The following NCOA1 variants were observed in gnomAD, a reference collection of about 807,000 sequenced individuals.
NCOA1 encodes the protein Hin-2 protein.
A neutral mutation model predicts 150.9 loss-of-function variants in NCOA1; 35 were observed. The observed-to-expected ratio is 0.23, with a 90% CI of 0.18 to 0.31. The LOEUF (loss-of-function observed/expected upper bound fraction) is 0.31, where lower values mean the gene tolerates loss of function less well. Among genes scored for constraint, NCOA1 ranks in the 10% least tolerant of loss-of-function variants. NCOA1 has a pLI of 1.00. For synonymous variants in NCOA1, 590 were observed against 630.0 expected (o/e 0.94, Z 0.95); for missense variants, 1,491 against 1,749.3 (o/e 0.85, Z 2.63).
intron 2 of NCOA1, among the ~76,000 whole-genome samples, chr2:24,577,917 T>C (rs925513503): frequency 6.6e-6 from 1 of 152,192 alleles, no homozygotes; most frequent in Non-Finnish European, 1.5e-5. Context: ...CTTTCAAATT[T>C]AAGTTAAAAT....
At chr2:24,578,875 G>T (rs929170455) in intron 2 of NCOA1, among the ~76,000 whole-genome samples, 1 of 152,066 alleles carries the variant, frequency 6.6e-6, no homozygotes, top group Admixed American at 6.5e-5. Context: ...AACCTAATTG[G>T]CCAACAGTGA....
At chr2:24,615,630 T>C (rs901344712) in intron 3 of NCOA1, among the ~76,000 whole-genome samples, 1 of 152,176 alleles carries the variant, frequency 6.6e-6, no homozygotes, top group African/African-American at 2.4e-5. Context: ...TGCCAAGCAT[T>C]GTCCTAGGCT....
At chr2:24,720,698 G>C (rs1674318916) in intron 14 of NCOA1, among the ~76,000 whole-genome samples, 1 of 152,040 alleles carries the variant, frequency 6.6e-6, no homozygotes, top group Non-Finnish European at 1.5e-5. Context: ...AAGAATTAAG[G>C]ATTGCAGAAG....
At chr2:24,541,181 G>A (rs1665377246) in intron 1 of NCOA1, among the ~76,000 whole-genome samples, 1 of 152,182 alleles carries the variant, frequency 6.6e-6, no homozygotes, top group Non-Finnish European at 1.5e-5. Context: ...GCAGTTCATG[G>A]GTGAAGTTGC....
chr2:24,608,883 T>C (rs1176634580), intron 3 of NCOA1, among the ~76,000 whole-genome samples: 1 of 152,112 alleles, frequency 6.6e-6, no homozygotes, highest in African/African-American at 2.4e-5. Context: ...ATATTCTCTC[T>C]GTTGGGGTTT....
intron 1 of NCOA1, among the ~76,000 whole-genome samples, chr2:24,540,669 G>A (rs1291883692): frequency 6.6e-6 from 1 of 152,008 alleles, no homozygotes; most frequent in Admixed American, 6.6e-5. Context: ...ATGTTGGCCA[G>A]GCTGGTCTCG....
At chr2:24,529,782 A>AT (rs1320720245) in intron 1 of NCOA1, among the ~76,000 whole-genome samples, 3 of 151,988 alleles carry the variant, frequency 2.0e-5, no homozygotes, top group African/African-American at 7.3e-5. Context: ...TTATCTACCT[A>AT]TTTTTTTCTT....
At chr2:24,516,444 G>A (rs1319024317) in intron 1 of NCOA1, among the ~76,000 whole-genome samples, 1 of 151,014 alleles carries the variant, frequency 6.6e-6, no homozygotes, top group Non-Finnish European at 1.5e-5. Flanking sequence ...TGCTAGCCTC[G>A]GCCTCCCAAA....
chr2:24,634,870 C>A (rs1017778380), intron 3 of NCOA1, among the ~76,000 whole-genome samples: 2 of 152,126 alleles, frequency 1.3e-5, no homozygotes, highest in African/African-American at 4.8e-5. Context: ...CACACACCAC[C>A]TTGCCCGGCT....
At chr2:24,698,676 CTAGA>C (rs1322309522) in intron 11 of NCOA1, among the ~76,000 whole-genome samples, 1 of 152,166 alleles carries the variant, frequency 6.6e-6, no homozygotes, top group Non-Finnish European at 1.5e-5. Flanking sequence ...TCTCTAATCT[CTAGA>C]TAGTTTCTTT....
intron 1 of NCOA1, among the ~76,000 whole-genome samples, chr2:24,494,851 T>C (rs1432043257): frequency 2.6e-5 from 4 of 152,198 alleles, no homozygotes; most frequent in African/African-American, 9.6e-5. Context: ...AAGGACTTTT[T>C]AAAATTGCTT....
At chr2:24,540,087 A>G (rs1330650639) in intron 1 of NCOA1, among the ~76,000 whole-genome samples, 2 of 152,208 alleles carry the variant, frequency 1.3e-5, no homozygotes, top group Admixed American at 6.5e-5. Flanking sequence ...AATATGAGAT[A>G]AGTACTGCTC....
chr2:24,588,355 C>T (rs935180853), intron 3 of NCOA1, among the ~76,000 whole-genome samples: 2 of 152,180 alleles, frequency 1.3e-5, no homozygotes, highest in African/African-American at 4.8e-5. Flanking sequence ...GGATTACAAC[C>T]GTGAGCTACT....
intron 2 of NCOA1, among the ~76,000 whole-genome samples, chr2:24,571,717 T>C (rs551468304): frequency 1.7e-4 from 26 of 152,348 alleles, no homozygotes; most frequent in African/African-American, 6.0e-4. Flanking sequence ...TTTGATTTTG[T>C]AAGTTATCTT....
intron 3 of NCOA1, among the ~76,000 whole-genome samples, chr2:24,621,100 A>G (rs1255471076): frequency 6.6e-6 from 1 of 152,040 alleles, no homozygotes; most frequent in African/African-American, 2.4e-5. Flanking sequence ...TGCTTTCGTC[A>G]TGGGAAGAGT....
chr2:24,525,909 C>T (rs1213847673), intron 1 of NCOA1, among the ~76,000 whole-genome samples: 1 of 152,074 alleles, frequency 6.6e-6, no homozygotes, highest in Non-Finnish European at 1.5e-5. Context: ...CTTCTTATTG[C>T]TCCTAGTTCT....
intron 1 of NCOA1, among the ~76,000 whole-genome samples, chr2:24,517,176 T>C (rs749784936): frequency 7.2e-5 from 11 of 151,834 alleles, no homozygotes; most frequent in Non-Finnish European, 1.2e-4. Flanking sequence ...TTTTTATTTA[T>C]TTATTGATTT....
At chr2:24,523,499 G>T (rs1343710764) in intron 1 of NCOA1, among the ~76,000 whole-genome samples, 1 of 150,262 alleles carries the variant, frequency 6.7e-6, no homozygotes, top group Admixed American at 6.7e-5. Flanking sequence ...CCAGCTACTC[G>T]GGAGGCTGAG....
At chr2:24,766,443 T>G (rs1665067922) in intron 22 of NCOA1, among the ~76,000 whole-genome samples, 1 of 152,196 alleles carries the variant, frequency 6.6e-6, no homozygotes, top group East Asian at 1.9e-4. Context: ...TTCTTTCTGT[T>G]GTGGCCAATC....
Sources: allele counts gnomAD v4.1 joint callset (sites outside exome capture counted in the v4.1 genomes callset), GRCh38; gene constraint gnomAD v4.1.1; transcripts MANE v1.5; gene names NCBI Gene and HGNC (gene_info 2026-07-23, HGNC 2026-07-21).